Variants in CDC73 observed in about 807,000 individuals in gnomAD.
CDC73 encodes parafibromin.
CDC73 carries 21 observed loss-of-function variants against 83.7 expected under a neutral mutation model. That is an observed-to-expected ratio of 0.25 (90% confidence interval 0.18 to 0.36). CDC73 has a LOEUF of 0.36. Among genes scored for constraint, CDC73 ranks in the 10% least tolerant of loss-of-function variants. CDC73 has a pLI of 1.00. For missense variants in CDC73, 342 were observed against 653.3 expected (o/e 0.52, Z 5.19); for synonymous variants, 224 against 212.9 (o/e 1.05, Z -0.45).
At chr1:193,127,171 G>T (rs1028119169) in intron 2 of CDC73, among the ~76,000 whole-genome samples, 1 of 152,048 alleles carries the variant, frequency 6.6e-6, no homozygotes, top group African/African-American at 2.4e-5. Context: ...CTACTCAAGG[G>T]GCTGAGGTGG....
intron 9 of CDC73, among the ~76,000 whole-genome samples, chr1:193,151,649 G>A (rs565997510): frequency 2.4e-4 from 37 of 152,172 alleles, no homozygotes; most frequent in Middle Eastern, 3.2e-3. Flanking sequence ...ATGGTTGATT[G>A]CTGTAGCTCA....
intron 10 of CDC73, among the ~76,000 whole-genome samples, chr1:193,184,610 C>A (rs1676774204): frequency 6.6e-6 from 1 of 151,778 alleles, no homozygotes; most frequent in Non-Finnish European, 1.5e-5. Flanking sequence ...TCTCTTTAGT[C>A]TGTTGGTGAT....
At chr1:193,250,321 T>G (rs1398745270) in intron 16 of CDC73, among the ~76,000 whole-genome samples, 1 of 151,870 alleles carries the variant, frequency 6.6e-6, no homozygotes, top group Non-Finnish European at 1.5e-5. Context: ...GCCCTTTACA[T>G]TAATAACAGT....
intron 10 of CDC73, among the ~76,000 whole-genome samples, chr1:193,200,663 G>A (rs866066366): frequency 6.6e-6 from 1 of 151,948 alleles, no homozygotes; most frequent in Non-Finnish European, 1.5e-5. Flanking sequence ...TTCCCCGCTG[G>A]GTAGTGTTTT....
intron 13 of CDC73, among the ~76,000 whole-genome samples, chr1:193,232,457 T>C (rs1025420919): frequency 6.6e-5 from 10 of 150,450 alleles, no homozygotes; most frequent in East Asian, 5.8e-4. Flanking sequence ...TACACACACA[T>C]ACACACACAC....
At chr1:193,195,672 T>C (rs1676991323) in intron 10 of CDC73, among the ~76,000 whole-genome samples, 1 of 140,308 alleles carries the variant, frequency 7.1e-6, no homozygotes, top group African/African-American at 2.6e-5. Context: ...TACTTTCTTA[T>C]TTTGTTACTG....
At chr1:193,230,139 CATTCTTTT>C (rs1677635379) in intron 13 of CDC73, among the ~76,000 whole-genome samples, 1 of 150,902 alleles carries the variant, frequency 6.6e-6, no homozygotes, top group Non-Finnish European at 1.5e-5. Context: ...ATGACATTCC[CATTCTTTT>C]TTTTTTTTTT....
chr1:193,127,311 G>GTGTC (rs766878019), intron 2 of CDC73, among the ~76,000 whole-genome samples: 2,017 of 149,514 alleles, frequency 0.013, 27 homozygotes, highest in Non-Finnish European at 0.02. Flanking sequence ...GTGTGTGTGT[G>GTGTC]TGTGTGATTA....
chr1:193,125,146 A>C lies in CDC73; in HGVS notation c.166A>C (p.Thr56Pro), dbSNP rs1675542041. 1.2e-6 allele frequency: 2 copies of C among 1,609,318 alleles called. No individual in the cohort carries two copies. Among genetic ancestry groups the C allele is most frequent in the African/African-American group, 1.3e-5 (1 of 74,976 alleles). ...GKEGQPREYY[T>P]LDSILFLLNN... ...GGAAGGCCAACCCAGAGAGTACTAC[A>C]CATTGGATTCCATTTTATTTCTACT... The change falls in exon 2 of 17, where the codon ACA (threonine) becomes CCA (proline). Residue 56 changes from threonine to proline, a missense_variant. This residue lies in a region of CDC73 where 99 missense variants were observed against 174.5 expected (regional missense o/e 0.57). Transcript: ENST00000367435.
rs764538913 is a variant in CDC73, at chr1:193,212,447, T to A, written c.1124T>A (p.Leu375His). The A allele has an allele frequency of 6.2e-7, 1 of 1,607,742 alleles. No individual in the cohort carries two copies. Among genetic ancestry groups the A allele is most frequent in the South Asian group, 1.1e-5 (1 of 90,262 alleles). ...GCTACCACCTCTTTAATAACCATGC[T>A]TAATGCAAAAGACCTTCTACAGGAC... ...PAATTSLITMLNAKDLLQDLK... is the reference protein window; with the variant it reads ...PAATTSLITMHNAKDLLQDLK... Residue 375 changes from leucine (L) to histidine (H), a missense_variant, in exon 13 of 17, where the codon CTT becomes CAT. By Grantham distance (99) the Leu-to-His change is moderately conservative. This residue lies in a region of CDC73 where 239 missense variants were observed against 420.6 expected (regional missense o/e 0.57). Coordinates refer to ENST00000367435, the MANE Select transcript of CDC73 (RefSeq NM_024529.5).
Position 193,212,422 on chromosome 1 carries a change from G to A in CDC73, c.1099G>A (p.Ala367Thr), listed in dbSNP as rs1314797741. 1.2e-6 allele frequency: 2 copies of A among 1,607,904 alleles called. No homozygotes were observed. Among genetic ancestry groups the A allele is most frequent in the Non-Finnish European group, 1.7e-6 (2 of 1,176,406 alleles). The change falls in exon 13 of 17, where the codon GCT becomes ACT. Residue 367 changes from alanine (A) to threonine (T), a missense_variant. Physicochemically the swap from Ala to Thr is moderately conservative, Grantham distance 58. Around this residue, in one of 3 missense-constraint regions of CDC73, gnomAD observed 239 missense variants for 420.6 expected, o/e 0.57. Transcript: ENST00000367435. Reference protein sequence around the residue: ...SRTPIIIIPAATTSLITMLNA... With the variant: ...SRTPIIIIPATTTSLITMLNA... ...AACACCCATTATCATAATTCCTGCA[G>A]CTACCACCTCTTTAATAACCATGCT...
intron 10 of CDC73, among the ~76,000 whole-genome samples, chr1:193,158,296 C>G (rs955414225): frequency 1.3e-5 from 2 of 151,890 alleles, no homozygotes; most frequent in Non-Finnish European, 2.9e-5. Context: ...AGGGTAATAA[C>G]TAGGTTGGCC....
intron 11 of CDC73, among the ~76,000 whole-genome samples, chr1:193,207,851 A>G (rs1677214837): frequency 6.6e-6 from 1 of 152,248 alleles, no homozygotes; most frequent in Admixed American, 6.5e-5. Context: ...AAGTAAAGAC[A>G]GGCATAAGAA....
rs751156224 is a variant in CDC73 at position 193,181,361 on chromosome 1, G to A, written c.973-22434G>A. ...TGGTTTGTCTCACTTTTTGTTGACC[G>A]AAATCCTCGGAAAGTGTATGTCACA... On this transcript the variant is annotated intron_variant, in intron 10 of 16. Transcript: ENST00000367435. 44 of 1,613,982 alleles carry A rather than the reference G, an allele frequency of 2.7e-5. No individual in the cohort carries two copies. The Admixed American group carries it at 3.0e-4, about 11-fold the overall frequency.
At chr1:193,242,039 G>T (rs1308234055) in intron 15 of CDC73, among the ~76,000 whole-genome samples, 1 of 150,176 alleles carries the variant, frequency 6.7e-6, no homozygotes, top group Non-Finnish European at 1.5e-5. Context: ...ATACGTGACT[G>T]TTGGAGTTGT....
At chr1:193,226,078 C>G (rs1406492910) in intron 13 of CDC73, among the ~76,000 whole-genome samples, 1 of 152,052 alleles carries the variant, frequency 6.6e-6, no homozygotes, top group Non-Finnish European at 1.5e-5. Flanking sequence ...AGTCCTTGAC[C>G]CATCTTGAGT....
At chr1:193,169,501 C>T (rs1676485853) in intron 10 of CDC73, among the ~76,000 whole-genome samples, 3 of 152,220 alleles carry the variant, frequency 2.0e-5, no homozygotes, top group Admixed American at 1.3e-4. Context: ...GCCAAGATCA[C>T]ATCACTGCAC....
chr1:193,233,485 A>G (rs150464892), intron 14 of CDC73, among the ~76,000 whole-genome samples: 66 of 152,344 alleles, frequency 4.3e-4, no homozygotes, highest in African/African-American at 1.3e-3. Context: ...GTGTTGATGT[A>G]TATTTACTTT....
intron 15 of CDC73, among the ~76,000 whole-genome samples, chr1:193,246,014 T>C (rs1321763180): frequency 6.6e-6 from 1 of 152,166 alleles, no homozygotes; most frequent in East Asian, 1.9e-4. Context: ...GTTTCTAGTA[T>C]ATTCTGATTA....
Sources: gnomAD v4.1 joint callset for allele counts (sites outside exome capture counted in the v4.1 genomes callset) on GRCh38, gnomAD v4.1.1 for gene constraint, gnomAD v4.1.1 regional missense constraint, MANE v1.5 for transcripts, NCBI Gene and HGNC (gene_info 2026-07-23, HGNC 2026-07-21) for gene names.